Variants in SERPINB5 observed in about 807,000 individuals in gnomAD.
SERPINB5 encodes serpin family B member 5.
SERPINB5 carries 27 observed loss-of-function variants against 32.2 expected under a neutral mutation model. The ratio of observed to expected loss-of-function variants is 0.84; its 90% CI spans 0.62 to 1.16. SERPINB5 has a LOEUF of 1.16. Ranked by LOEUF, SERPINB5 falls within the 50% of genes most tolerant of loss-of-function variation. SERPINB5 has a pLI of 0.00. For synonymous variants in SERPINB5, 154 were observed against 157.4 expected (o/e 0.98, Z 0.16); for missense variants, 388 against 436.3 (o/e 0.89, Z 0.99).
intron 5 of SERPINB5, among the ~76,000 whole-genome samples, chr18:63,494,802 G>A (rs1909415012): frequency 6.6e-6 from 1 of 152,136 alleles, no homozygotes. Flanking sequence ...TACTTACATA[G>A]ATCCCCTACT....
chr18:63,481,992 A>G (rs529393643), intron 1 of SERPINB5, among the ~76,000 whole-genome samples: 1 of 152,332 alleles, frequency 6.6e-6, no homozygotes, highest in South Asian at 2.1e-4. Context: ...GCCTGAGCGC[A>G]TGGCTGTACT....
intron 6 of SERPINB5, 143 bp from the exon 7 acceptor site, chr18:63,503,187 C>A: frequency 1.1e-6 from 1 of 904,728 alleles, no homozygotes; most frequent in Non-Finnish European, 1.6e-6. Context: ...AGTCACATAC[C>A]AAAAACTTCT....
chr18:63,497,424 G>T lies in SERPINB5; in HGVS notation c.568-1696G>T, dbSNP rs538644495. On this transcript the variant is annotated intron_variant, in intron 5 of 6. Coordinates refer to ENST00000382771, the MANE Select transcript of SERPINB5 (RefSeq NM_002639.5). The stretch of plus-strand genomic sequence containing the variant: ...GAAGCTCTGTGGGGGTCACCTGCCT[G>T]TCCCTGCTGCTGCGGCTGCACACCA... The T allele has an allele frequency of 2.9e-5, 27 of 935,592 alleles. No individual in the cohort carries two copies. In the East Asian group the frequency reaches 4.8e-4, roughly 17 times the overall value. The allele number at this position is 935,592 out of a possible 1,614,324, so 58.0% of individuals were successfully genotyped here. A position where few individuals can be genotyped will look rare whatever the true frequency, so the allele number is the denominator to read the frequency against.
intron 4 of SERPINB5, among the ~76,000 whole-genome samples, chr18:63,491,282 G>A (rs8097640): frequency 0.5 from 74,879 of 150,548 alleles, 20,261 homozygotes; most frequent in Non-Finnish European, 0.62. Context: ...CGCACCTGTA[G>A]TCCCAGCTAC....
intron 6 of SERPINB5, among the ~76,000 whole-genome samples, chr18:63,502,846 C>T (rs1909597427): frequency 6.6e-6 from 1 of 152,018 alleles, no homozygotes; most frequent in Non-Finnish European, 1.5e-5. Context: ...TGATGAAACC[C>T]TGTCTCTACT....
At chr18:63,490,239 C>A (rs1223339940) in intron 4 of SERPINB5, among the ~76,000 whole-genome samples, 1 of 151,994 alleles carries the variant, frequency 6.6e-6, no homozygotes, top group Non-Finnish European at 1.5e-5. Context: ...AGCTTGTCCT[C>A]GGTGCCGCAG....
intron 5 of SERPINB5, 196 bp downstream of exon 5, chr18:63,493,291 C>CA: frequency 2.9e-6 from 2 of 680,412 alleles, no homozygotes; most frequent in Admixed American, 2.4e-5. Context: ...TCCTCTTTTC[C>CA]ATAATGTCTT....
intron 1 of SERPINB5, among the ~76,000 whole-genome samples, chr18:63,477,853 G>A (rs1043061042): frequency 1.2e-4 from 18 of 152,114 alleles, no homozygotes; most frequent in African/African-American, 4.3e-4. Flanking sequence ...TTTCAGCCCA[G>A]CCCCCTCATT....
intron 5 of SERPINB5, 33 bp from the exon 6 acceptor site, chr18:63,499,078 TGTAAATTGA>T: frequency 7.9e-7 from 1 of 1,270,102 alleles, no homozygotes; most frequent in Non-Finnish European, 1.1e-6. Flanking sequence ...TTTATGCATG[TGTAAATTGA>T]AAAGTAAGCA....
rs1712448146 is a variant in SERPINB5 at position 63,504,409 on chromosome 18, G to A, written c.*687G>A. 1 of 152,130 alleles carries A rather than the reference G, an allele frequency of 6.6e-6. No homozygotes were observed. Among genetic ancestry groups the A allele is most frequent in the African/African-American group, 2.4e-5 (1 of 41,418 alleles). The allele number at this position is 152,130 out of a possible 1,614,324, so 9.4% of individuals were successfully genotyped here. On this transcript the variant is annotated 3_prime_UTR_variant, in exon 7 of 7. Transcript: ENST00000382771. ...AAAATGTAGAATATTCAGACAAAATGGATACATAAAGACTAAGTAGCCCAT... is the reference window on the plus strand; with the variant it reads ...AAAATGTAGAATATTCAGACAAAATAGATACATAAAGACTAAGTAGCCCAT...
At chr18:63,494,601 C>G (rs1349635341) in intron 5 of SERPINB5, among the ~76,000 whole-genome samples, 1 of 152,138 alleles carries the variant, frequency 6.6e-6, no homozygotes, top group East Asian at 1.9e-4. Context: ...GCATCAATAT[C>G]TTGTTTTTGC....
At chr18:63,485,264 T>A (rs1307001174) in intron 2 of SERPINB5, among the ~76,000 whole-genome samples, 1 of 150,510 alleles carries the variant, frequency 6.6e-6, no homozygotes, top group Non-Finnish European at 1.5e-5. Context: ...CTTTGTAAAG[T>A]TCTTAGACCT....
At chr18:63,478,528 T>G (rs1022095565) in intron 1 of SERPINB5, among the ~76,000 whole-genome samples, 2 of 152,236 alleles carry the variant, frequency 1.3e-5, no homozygotes, top group Non-Finnish European at 2.9e-5. Context: ...TCCTATTTTC[T>G]TAATCCTGCA....
chr18:63,493,538 T>G (rs764700789), intron 5 of SERPINB5: 6 of 266,378 alleles, frequency 2.3e-5, no homozygotes, highest in Non-Finnish European at 4.2e-5. Context: ...AAGTATATTG[T>G]TCTGGGATTT....
intron 1 of SERPINB5, among the ~76,000 whole-genome samples, chr18:63,478,251 G>T (rs1027443210): frequency 6.6e-6 from 1 of 152,176 alleles, no homozygotes; most frequent in Non-Finnish European, 1.5e-5. Flanking sequence ...AGCGATTTGG[G>T]CCATTCTGGT....
At chr18:63,501,092 G>T (rs1909562590) in intron 6 of SERPINB5, among the ~76,000 whole-genome samples, 1 of 151,290 alleles carries the variant, frequency 6.6e-6, no homozygotes, top group Non-Finnish European at 1.5e-5. Flanking sequence ...TGTGCACAAT[G>T]TGCAGGTTTG....
At chr18:63,497,061 G>T in intron 5 of SERPINB5, 1 of 574,674 alleles carries the variant, frequency 1.7e-6, no homozygotes, top group Non-Finnish European at 3.4e-6. Context: ...AATCCGGCCT[G>T]TGTCTGCCTC....
chr18:63,496,436 G>C (rs12455969), intron 5 of SERPINB5, among the ~76,000 whole-genome samples: 82,821 of 152,040 alleles, frequency 0.54, 23,131 homozygotes, highest in Non-Finnish European at 0.62. Flanking sequence ...TATTCAGTGA[G>C]AAACTACAAG....
chr18:63,500,261 A>G (rs1909544100), intron 6 of SERPINB5, among the ~76,000 whole-genome samples: 1 of 146,194 alleles, frequency 6.8e-6, no homozygotes, highest in African/African-American at 2.6e-5. Context: ...GTGGGATCTC[A>G]CTGTGTTGTC....
Sources: gnomAD v4.1 joint callset for allele counts (sites outside exome capture counted in the v4.1 genomes callset) on GRCh38, gnomAD v4.1.1 for gene constraint, MANE v1.5 for transcripts, NCBI Gene and HGNC (gene_info 2026-07-23, HGNC 2026-07-21) for gene names.